Variants in CMIP observed in about 807,000 individuals in gnomAD.
CMIP encodes the protein C-Maf-inducing protein.
A neutral mutation model predicts 97.3 loss-of-function variants in CMIP; 13 were observed. The observed-to-expected ratio is 0.13, with a 90% CI of 0.09 to 0.21. CMIP has a LOEUF of 0.21. CMIP is among the 10% of genes least tolerant of loss of function. The pLI, the probability that CMIP is intolerant of heterozygous loss-of-function variation, is 1.00. For missense variants in CMIP, 847 were observed against 1,024.9 expected, an observed-to-expected ratio of 0.83 and a Z score of 2.37; for synonymous variants, 538 against 436.3, an observed-to-expected ratio of 1.23 and a Z score of -2.91.
chr16:81,471,386 A>AT (rs1907534510), intron 1 of CMIP, among the ~76,000 whole-genome samples: 1 of 151,424 alleles, frequency 6.6e-6, no homozygotes, highest in Non-Finnish European at 1.5e-5. Context: ...ACATGTGCAT[A>AT]TGCATATACA....
rs1908228853 is a variant in CMIP at position 81,707,018 on chromosome 16, G to T, written c.2202G>T (p.Met734Ile). The T allele has an allele frequency of 6.2e-7, 1 of 1,613,652 alleles. No homozygotes were observed. ...TDAGLLALSSMKSLCSLNMNS... is the reference protein window; with the variant it reads ...TDAGLLALSSIKSLCSLNMNS... ...CTGTATCTGTCTCTTGTGCAGCCAT[G>T]AAGAGTCTCTGCAGTTTAAACATGA... The change falls in exon 20 of 21, where the codon ATG becomes ATT. Residue 734 changes from methionine to isoleucine, a missense_variant. Physicochemically the swap from Met to Ile is conservative, Grantham distance 10 (BLOSUM62 1). Coordinates refer to ENST00000537098, the MANE Select transcript of CMIP (RefSeq NM_198390.3).
At chr16:81,473,189 A>G (rs562383506) in intron 1 of CMIP, among the ~76,000 whole-genome samples, 3 of 152,310 alleles carry the variant, frequency 2.0e-5, no homozygotes, top group African/African-American at 7.2e-5. Flanking sequence ...GCAAGTGCTT[A>G]TGTCGGCCTC....
chr16:81,457,767 C>T (rs914665423), intron 1 of CMIP, among the ~76,000 whole-genome samples: 2 of 152,218 alleles, frequency 1.3e-5, no homozygotes, highest in Non-Finnish European at 2.9e-5. Flanking sequence ...CTCGTCTCTT[C>T]AGAACTGGCC....
chr16:81,449,105 TCTG>T (rs1211784627), intron 1 of CMIP, among the ~76,000 whole-genome samples: 1 of 152,254 alleles, frequency 6.6e-6, no homozygotes, highest in East Asian at 1.9e-4. Context: ...CTTTGTTTCT[TCTG>T]CACCACAGAA....
intron 1 of CMIP, among the ~76,000 whole-genome samples, chr16:81,559,734 C>T (rs1040756255): frequency 2.0e-5 from 3 of 152,352 alleles, no homozygotes; most frequent in African/African-American, 7.2e-5. Context: ...AACTAAGTTA[C>T]TGGCTTGTGC....
intron 1 of CMIP, among the ~76,000 whole-genome samples, chr16:81,508,618 A>G (rs2089753811): frequency 1.3e-5 from 2 of 152,268 alleles, no homozygotes; most frequent in Admixed American, 1.3e-4. Context: ...AAAAATTCCT[A>G]GAAATGAAAT....
At chr16:81,447,549 G>A (rs965790786) in intron 1 of CMIP, among the ~76,000 whole-genome samples, 44 of 152,192 alleles carry the variant, frequency 2.9e-4, no homozygotes, top group Admixed American at 6.5e-5. Context: ...TGGCACCATC[G>A]GTAGTGTGGG....
At chr16:81,612,066 C>T (rs544405787) in intron 2 of CMIP, among the ~76,000 whole-genome samples, 10 of 152,208 alleles carry the variant, frequency 6.6e-5, no homozygotes, top group Non-Finnish European at 1.3e-4. Flanking sequence ...GATGCCCTTT[C>T]TGCTAGCATT....
intron 1 of CMIP, among the ~76,000 whole-genome samples, chr16:81,512,800 G>C (rs1052482141): frequency 1.3e-5 from 2 of 152,060 alleles, no homozygotes; most frequent in Non-Finnish European, 2.9e-5. Context: ...GCAGTGGCAT[G>C]ATCTCAGCTC....
At chr16:81,541,437 G>A (rs1380952755) in intron 1 of CMIP, among the ~76,000 whole-genome samples, 3 of 152,210 alleles carry the variant, frequency 2.0e-5, no homozygotes, top group Non-Finnish European at 4.4e-5. Context: ...GGCCCAGCCA[G>A]TCTAACCACT....
rs374435097 is a variant in CMIP at position 81,709,716 on chromosome 16, C to T, written c.2269-30C>T. ...AGCTTCTGCAAGGGAATGGCCTACA[C>T]GTGACAAGGACTCTTATTGCCACCC... On this transcript the variant is annotated intron_variant, in intron 20 of 20. Transcript: ENST00000537098. 2.8e-5 allele frequency: 45 copies of T among 1,613,030 alleles called. No homozygotes were observed. The African/African-American group carries it at 4.3e-4, about 15-fold the overall frequency.
intron 1 of CMIP, among the ~76,000 whole-genome samples, chr16:81,510,504 A>C (rs1370776093): frequency 1.3e-5 from 2 of 152,120 alleles, no homozygotes; most frequent in Non-Finnish European, 2.9e-5. Context: ...AGGTGAGTAA[A>C]CTGAGGTTTA....
intron 3 of CMIP, among the ~76,000 whole-genome samples, chr16:81,622,491 G>A (rs2092005639): frequency 6.6e-6 from 1 of 152,116 alleles, no homozygotes; most frequent in South Asian, 2.1e-4. Context: ...CAGTTGAGAG[G>A]GAGGACTGAG....
At chr16:81,560,536 A>T (rs1230577383) in intron 1 of CMIP, among the ~76,000 whole-genome samples, 2 of 152,154 alleles carry the variant, frequency 1.3e-5, no homozygotes, top group Non-Finnish European at 2.9e-5. Context: ...AATTTTTTAC[A>T]AATGTAGTGT....
intron 4 of CMIP, among the ~76,000 whole-genome samples, chr16:81,656,160 G>GT (rs2092479174): frequency 6.6e-6 from 1 of 152,232 alleles, no homozygotes; most frequent in South Asian, 2.1e-4. Context: ...ATGGGGACCG[G>GT]TAGAGACTCA....
chr16:81,601,393 C>G (rs193050709), intron 1 of CMIP, among the ~76,000 whole-genome samples: 104 of 151,786 alleles, frequency 6.9e-4, no homozygotes, highest in African/African-American at 2.3e-3. Context: ...CTGCCAGCAT[C>G]GGGGGCCCAA....
intron 14 of CMIP, among the ~76,000 whole-genome samples, chr16:81,699,258 A>C (rs1337446251): frequency 6.6e-6 from 1 of 152,228 alleles, no homozygotes; most frequent in Non-Finnish European, 1.5e-5. Context: ...TCCATCTCAA[A>C]AAAAATAAAA....
At chr16:81,506,835 G>T (rs2089717745) in intron 1 of CMIP, among the ~76,000 whole-genome samples, 2 of 151,788 alleles carry the variant, frequency 1.3e-5, no homozygotes, top group African/African-American at 4.8e-5. Flanking sequence ...AACCCAGGAG[G>T]CGGAGGTGGC....
At chr16:81,554,953 T>C (rs2090732091) in intron 1 of CMIP, among the ~76,000 whole-genome samples, 1 of 152,166 alleles carries the variant, frequency 6.6e-6, no homozygotes, top group Non-Finnish European at 1.5e-5. Context: ...CTCCTAGGGA[T>C]GCCCCCCAGA....
Sources: allele counts gnomAD v4.1 joint callset (sites outside exome capture counted in the v4.1 genomes callset), GRCh38; gene constraint gnomAD v4.1.1; transcripts MANE v1.5; gene names NCBI Gene and HGNC (gene_info 2026-07-23, HGNC 2026-07-21).